The following BRINP3 variants were observed in gnomAD, a reference collection of about 807,000 sequenced individuals.
The protein encoded by BRINP3 is BMP/retinoic acid-inducible neural-specific protein 3.
BRINP3 carries 19 observed loss-of-function variants against 71.0 expected under a neutral mutation model. The ratio of observed to expected loss-of-function variants is 0.27; its 90% confidence interval spans 0.19 to 0.39. The LOEUF (loss-of-function observed/expected upper bound fraction) is 0.39. Among genes scored for constraint, BRINP3 ranks in the 10% least tolerant of loss-of-function variants. BRINP3 has a pLI of 1.00. For missense variants in BRINP3, 959 were observed against 940.8 expected, an observed-to-expected ratio of 1.02 and a Z score of -0.25; for synonymous variants, 380 against 337.7, an observed-to-expected ratio of 1.13 and a Z score of -1.37.
At chr1:190,250,514 G>A (rs1214062040) in intron 4 of BRINP3, among the ~76,000 whole-genome samples, 1 of 151,902 alleles carries the variant, frequency 6.6e-6, no homozygotes, top group Non-Finnish European at 1.5e-5. Flanking sequence ...AACTTGATAA[G>A]CCTGTCCTTT....
chr1:190,216,096 A>AT (rs1175840592), intron 6 of BRINP3, among the ~76,000 whole-genome samples: 4 of 151,080 alleles, frequency 2.6e-5, no homozygotes, highest in Non-Finnish European at 1.5e-5. Context: ...GTAGTTATTC[A>AT]TTTTTTCTGG....
chr1:190,242,513 G>T (rs2102775404), intron 4 of BRINP3, among the ~76,000 whole-genome samples: 1 of 152,118 alleles, frequency 6.6e-6, no homozygotes, highest in South Asian at 2.1e-4. Flanking sequence ...TTCAGTGCAA[G>T]GGAACTTATA....
At chr1:190,281,210 C>T (rs994595431) in intron 3 of BRINP3, among the ~76,000 whole-genome samples, 1 of 151,864 alleles carries the variant, frequency 6.6e-6, no homozygotes, top group Non-Finnish European at 1.5e-5. Flanking sequence ...GAAATCTTTC[C>T]TTCTCTCTAT....
At chr1:190,415,650 A>G (rs1672962991) in intron 2 of BRINP3, among the ~76,000 whole-genome samples, 1 of 152,104 alleles carries the variant, frequency 6.6e-6, no homozygotes, top group African/African-American at 2.4e-5. Context: ...CTGTCTGTAA[A>G]CTCAAATAGG....
chr1:190,330,187 A>C (rs1666873640), intron 2 of BRINP3, among the ~76,000 whole-genome samples: 1 of 152,044 alleles, frequency 6.6e-6, no homozygotes, highest in Non-Finnish European at 1.5e-5. Flanking sequence ...CGATCAACAG[A>C]ATAAATAAAA....
intron 4 of BRINP3, among the ~76,000 whole-genome samples, chr1:190,250,677 A>G (rs1660050156): frequency 6.6e-6 from 1 of 152,020 alleles, no homozygotes; most frequent in African/African-American, 2.4e-5. Flanking sequence ...GTATGGTTTA[A>G]GATAGTATCG....
chr1:190,432,483 C>T (rs762670550), intron 2 of BRINP3, among the ~76,000 whole-genome samples: 8 of 152,164 alleles, frequency 5.3e-5, no homozygotes, highest in Non-Finnish European at 1.2e-4. Context: ...AATTATTAAG[C>T]TTTAACCATC....
At chr1:190,177,081 T>A (rs16832159) in intron 6 of BRINP3, among the ~76,000 whole-genome samples, 18,092 of 150,822 alleles carry the variant, frequency 0.12, 1,563 homozygotes, top group South Asian at 0.26. Context: ...TTTTGCTACA[T>A]CTCCAATTGA....
chr1:190,136,348 T>G (rs1654977930), intron 7 of BRINP3, among the ~76,000 whole-genome samples: 1 of 152,126 alleles, frequency 6.6e-6, no homozygotes, highest in Admixed American at 6.6e-5. Context: ...TGATTTGGGT[T>G]GCTGGGGATC....
intron 2 of BRINP3, among the ~76,000 whole-genome samples, chr1:190,286,339 A>G (rs1663423297): frequency 1.3e-5 from 2 of 152,302 alleles, no homozygotes; most frequent in East Asian, 3.9e-4. Flanking sequence ...TGCTGGTCAC[A>G]TAATTGCCAC....
At chr1:190,104,929 C>G (rs763015039) in intron 7 of BRINP3, among the ~76,000 whole-genome samples, 12 of 152,010 alleles carry the variant, frequency 7.9e-5, no homozygotes, top group Non-Finnish European at 1.3e-4. Context: ...ATTTCAGAAT[C>G]TTTTTGAAGT....
At chr1:190,473,572 A>G (rs1677291259) in intron 1 of BRINP3, among the ~76,000 whole-genome samples, 1 of 144,338 alleles carries the variant, frequency 6.9e-6, no homozygotes, top group South Asian at 2.2e-4. Context: ...ACTGTGTGGA[A>G]AGTCCAGGCT....
Position 190,454,863 on chromosome 1 carries a change from C to T in BRINP3, c.28G>A (p.Glu10Lys). 1 of 1,614,156 alleles carries T rather than the reference C, an allele frequency of 6.2e-7. No individual in the cohort carries two copies. Among genetic ancestry groups the T allele is most frequent in the African/African-American group, 1.3e-5 (1 of 75,038 alleles). Residue 10 changes from glutamate to lysine, a missense_variant, in exon 2 of 8, where the codon GAA (glutamate) becomes AAA (lysine). Physicochemically the swap from Glu to Lys is moderately conservative, Grantham distance 56. Coordinates refer to ENST00000367462, the MANE Select transcript of BRINP3 (RefSeq NM_199051.3). ...CATAGAGCCATCAGAGAGAACAATT[C>T]AGCACCAGCTCTGCTTCGCCATATC... is the stretch of plus-strand genomic sequence containing the variant. MIWRSRAGA[E>K]LFSLMALWEW...
At chr1:190,116,462 A>G (rs1306110613) in intron 7 of BRINP3, among the ~76,000 whole-genome samples, 1 of 152,076 alleles carries the variant, frequency 6.6e-6, no homozygotes, top group African/African-American at 2.4e-5. Flanking sequence ...ATCATAACCA[A>G]TGGTGTTAGA....
At chr1:190,199,782 A>AAC (rs1558057763) in intron 6 of BRINP3, among the ~76,000 whole-genome samples, 1 of 147,050 alleles carries the variant, frequency 6.8e-6, no homozygotes. Context: ...AAAAAAAAAA[A>AAC]AACAAAAACA....
intron 2 of BRINP3, among the ~76,000 whole-genome samples, chr1:190,389,832 G>A (rs1671139611): frequency 2.6e-5 from 4 of 151,734 alleles, no homozygotes; most frequent in Admixed American, 6.6e-5. Flanking sequence ...TGGGTAGGTT[G>A]AGCCGAAATT....
intron 6 of BRINP3, among the ~76,000 whole-genome samples, chr1:190,190,733 T>A (rs1037014653): frequency 6.6e-5 from 10 of 152,106 alleles, no homozygotes; most frequent in Non-Finnish European, 1.0e-4. Flanking sequence ...AAATACTTAC[T>A]GTATTGGGGT....
intron 4 of BRINP3, among the ~76,000 whole-genome samples, chr1:190,246,666 T>C (rs1336831451): frequency 2.0e-5 from 3 of 152,128 alleles, no homozygotes; most frequent in Non-Finnish European, 4.4e-5. Flanking sequence ...TTTGATAATA[T>C]GTTGAGAATT....
chr1:190,302,132 A>T (rs2103000662), intron 2 of BRINP3, among the ~76,000 whole-genome samples: 1 of 151,228 alleles, frequency 6.6e-6, no homozygotes, highest in African/African-American at 2.4e-5. Flanking sequence ...CATTTGTTAC[A>T]ATTATTGAAA....
Sources: allele counts gnomAD v4.1 joint callset (sites outside exome capture counted in the v4.1 genomes callset), GRCh38; gene constraint gnomAD v4.1.1; transcripts MANE v1.5; gene names NCBI Gene and HGNC (gene_info 2026-07-23, HGNC 2026-07-21).